Variants in SNX14 observed in about 807,000 individuals in gnomAD.
SNX14 encodes the protein sorting nexin 14, also known as sorting nexin-14.
In SNX14, 93 loss-of-function variants were observed where a neutral mutation model predicts 133.8. That is an observed-to-expected ratio of 0.70 (90% CI 0.59 to 0.83). The LOEUF (loss-of-function observed/expected upper bound fraction) is 0.83. Ranked by LOEUF, SNX14 falls within the 40% of genes least tolerant of loss-of-function variation. The probability of loss-of-function intolerance (pLI) is 0.00; values close to 1 mark genes in which losing one functional copy is unlikely to be tolerated. For missense variants in SNX14, 945 were observed against 1,094.9 expected (o/e 0.86, Z 1.93); for synonymous variants, 368 against 365.6 (o/e 1.01, Z -0.07).
chr6:85,508,061 T>A lies in SNX14; in HGVS notation c.2654-2A>T, dbSNP rs571454521. On this transcript the variant is annotated splice_acceptor_variant, in intron 26 of 28. Coordinates refer to ENST00000314673, the MANE Select transcript of SNX14 (RefSeq NM_153816.6). LOFTEE classifies it high-confidence loss of function. ...CACCAATACACTTGACTAACAGATC[T>A]AAACAAAAAGGCCAAATGTGAAATA... The A allele has an allele frequency of 1.2e-6, 2 of 1,611,520 alleles. No individual in the cohort carries two copies. Among genetic ancestry groups the A allele is most frequent in the African/African-American group, 1.3e-5 (1 of 74,924 alleles).
At chr6:85,581,848 A>G (rs1799156610) in intron 1 of SNX14, 3 of 152,230 alleles carry the variant, frequency 2.0e-5, no homozygotes, top group Non-Finnish European at 2.9e-5. Context: ...AGATTGAAAA[A>G]ATAGCCTTGA....
At chr6:85,572,430 T>C in intron 2 of SNX14, 56 bp from the exon 3 acceptor site, 1 of 1,312,818 alleles carries the variant, frequency 7.6e-7, no homozygotes. Context: ...AACATCTTTA[T>C]TTAAAAGAAT....
chr6:85,578,174 G>A (rs1797900489), intron 1 of SNX14, among the ~76,000 whole-genome samples: 1 of 152,192 alleles, frequency 6.6e-6, no homozygotes, highest in South Asian at 2.1e-4. Context: ...ACAGAAGGTA[G>A]GAGTTGTTAG....
In SNX14 at chr6:85,535,802, A is replaced by ACTCCTGTCACCCCACCTTTC. The variant is rs1781782000; in HGVS notation, c.1608+970_1608+989dup. On this transcript the variant is annotated intron_variant, in intron 17 of 28. Transcript: ENST00000314673. ...AAGGAAGGGGTAAAGAAAAGGGTTTACTCCTGTCACCCCACCTTTCCTCCT... is the reference window on the plus strand; with the variant it reads ...AAGGAAGGGGTAAAGAAAAGGGTTTACTCCTGTCACCCCACCTTTCCTCCTGTCACCCCACCTTTCCTCCT... Among the ~76,000 whole-genome samples, 3 of 151,940 alleles carry ACTCCTGTCACCCCACCTTTC rather than the reference A, an allele frequency of 2.0e-5. No homozygotes were observed. In the South Asian group the frequency reaches 6.2e-4, roughly 32 times the overall value.
intron 27 of SNX14, 99 bp from the exon 28 acceptor site, chr6:85,507,388 G>T: frequency 1.0e-6 from 1 of 968,584 alleles, no homozygotes; most frequent in Non-Finnish European, 1.6e-6. Context: ...TTACCTCTAA[G>T]TGGGAAGGCA....
intron 21 of SNX14, among the ~76,000 whole-genome samples, chr6:85,521,774 G>C (rs1776966447): frequency 6.6e-6 from 1 of 152,122 alleles, no homozygotes; most frequent in African/African-American, 2.4e-5. Context: ...TTTTTGTTTT[G>C]TTGCCTATGC....
chr6:85,544,836 G>T (rs1176098424), intron 12 of SNX14, among the ~76,000 whole-genome samples: 1 of 152,118 alleles, frequency 6.6e-6, no homozygotes, highest in Admixed American at 6.5e-5. Context: ...ATTTCTTTCA[G>T]CAGAAAGAAA....
At chr6:85,518,947 T>C (rs1775935419) in intron 21 of SNX14, among the ~76,000 whole-genome samples, 1 of 152,246 alleles carries the variant, frequency 6.6e-6, no homozygotes, top group Non-Finnish European at 1.5e-5. Context: ...TCTCTGCCTG[T>C]CTCCTGGACT....
In SNX14 at chr6:85,591,240, G is replaced by A. The variant is rs117525731; in HGVS notation, c.140+2339C>T. Among the ~76,000 whole-genome samples, 446 of 151,880 alleles carry A rather than the reference G, an allele frequency of 2.9e-3. 2 individuals are homozygous for A. Among genetic ancestry groups the A allele is most frequent in the Non-Finnish European group, 5.2e-3 (353 of 67,978 alleles). ...ATCATCTGTGTGTGTGTGTGTGTAC[G>A]TGAATACACACATAAGTTTTTTTTT... On this transcript the variant is annotated intron_variant, in intron 1 of 28. Coordinates refer to ENST00000314673, the MANE Select transcript of SNX14 (RefSeq NM_153816.6).
At chr6:85,560,605 T>C (rs187686917) in intron 6 of SNX14, among the ~76,000 whole-genome samples, 7 of 152,340 alleles carry the variant, frequency 4.6e-5, no homozygotes, top group Admixed American at 4.6e-4. Flanking sequence ...CATCAAATCA[T>C]ATACTTCAAA....
chr6:85,592,765 G>A (rs1339001588), intron 1 of SNX14, among the ~76,000 whole-genome samples: 1 of 151,682 alleles, frequency 6.6e-6, no homozygotes, highest in African/African-American at 2.4e-5. Context: ...CGAGGCAGGC[G>A]GCTCACGAGG....
chr6:85,569,699 T>C (rs9450301), intron 4 of SNX14, among the ~76,000 whole-genome samples: 3,017 of 152,284 alleles, frequency 0.02, 47 homozygotes, highest in Middle Eastern at 0.034. Context: ...CAACCAAATA[T>C]GAAACTTGAG....
chr6:85,543,398 C>T (rs1240925599), intron 13 of SNX14, 92 bp from the exon 14 acceptor site: 2 of 1,240,574 alleles, frequency 1.6e-6, no homozygotes, highest in Non-Finnish European at 2.2e-6. Flanking sequence ...CTGAAACACA[C>T]TAGATTGAGA....
At chr6:85,567,903 A>G (rs1794394180) in intron 4 of SNX14, 2 of 179,856 alleles carry the variant, frequency 1.1e-5, no homozygotes. Context: ...GTATCGCTTG[A>G]GCCTGAGAGG....
rs1484305964 is a variant in SNX14, at chr6:85,533,616, C to A, written c.1793G>T (p.Arg598Ile). The change falls in exon 18 of 29, where the codon AGA becomes ATA. Residue 598 changes from arginine to isoleucine, a missense_variant. Transcript: ENST00000314673. ...CTTCCTACCTGCTCTTCTATCATTTCTTTCAACATCAATACAAAACACAGG... is the reference window on the plus strand; with the variant it reads ...CTTCCTACCTGCTCTTCTATCATTTATTTCAACATCAATACAAAACACAGG... ...RIPVFCIDVE[R>I]NDRRAVGHEP... is the part of the protein sequence containing the mutation. The A allele has an allele frequency of 5.0e-6, 8 of 1,613,074 alleles. No homozygotes were observed. The highest frequency in any genetic ancestry group is 6.8e-6 in the Non-Finnish European group (8 of 1,179,948).
chr6:85,506,989 G>T (rs1228838531), intron 28 of SNX14, among the ~76,000 whole-genome samples: 2 of 152,002 alleles, frequency 1.3e-5, no homozygotes, highest in Admixed American at 1.3e-4. Context: ...AGACTATATA[G>T]GGTCCCTATC....
intron 12 of SNX14, among the ~76,000 whole-genome samples, chr6:85,545,930 G>T (rs1474488049): frequency 1.3e-5 from 2 of 152,214 alleles, no homozygotes; most frequent in Non-Finnish European, 2.9e-5. Flanking sequence ...TGATCCACCT[G>T]CCTCGGCCTC....
chr6:85,551,489 T>C (rs1316153572), intron 7 of SNX14, among the ~76,000 whole-genome samples: 1 of 152,222 alleles, frequency 6.6e-6, no homozygotes, highest in Non-Finnish European at 1.5e-5. Flanking sequence ...AGCATTCAGC[T>C]GTATCAACCA....
chr6:85,518,844 A>G (rs1775908420), intron 21 of SNX14, among the ~76,000 whole-genome samples: 1 of 152,140 alleles, frequency 6.6e-6, no homozygotes, highest in South Asian at 2.1e-4. Flanking sequence ...TTTAAATTAT[A>G]TGGTTTCATC....
Sources: gnomAD v4.1 joint callset for allele counts (sites outside exome capture counted in the v4.1 genomes callset) on GRCh38, gnomAD v4.1.1 for gene constraint, MANE v1.5 for transcripts, NCBI Gene and HGNC (gene_info 2026-07-23, HGNC 2026-07-21) for gene names.